COPS5: variants seen among roughly 807,000 people sequenced by gnomAD.
COPS5 encodes COP9 signalosome complex subunit 5.
Under a neutral mutation model 44.4 loss-of-function variants are expected in COPS5, and 8 were observed. The observed-to-expected ratio is 0.18, with a 90% CI of 0.11 to 0.32. COPS5 has a LOEUF of 0.32. Ranked by LOEUF, COPS5 falls within the 10% of genes least tolerant of loss-of-function variation. The pLI, the probability that COPS5 is intolerant of heterozygous loss-of-function variation, is 1.00. For missense variants in COPS5, 159 were observed against 406.4 expected (o/e 0.39, Z 5.23); for synonymous variants, 122 against 142.8 (o/e 0.85, Z 1.04).
intron 6 of COPS5, among the ~76,000 whole-genome samples, chr8:67,050,558 A>AGTGTGTGTGTGTGT (rs34629150): frequency 1.1e-3 from 157 of 141,088 alleles, no homozygotes; most frequent in African/African-American, 3.4e-3. Flanking sequence ...TGTGAGTGTG[A>AGTGTGTGTGTGTGT]GTGTGTGTGT....
At position 67,045,856 on chromosome 8, in the gene COPS5, A is replaced by G. The variant is rs746370559; in HGVS notation, c.876T>C (p.His292=). The change falls in exon 7 of 8, where the codon CAT becomes CAC. Residue 292 remains histidine (H), a synonymous_variant. Coordinates refer to ENST00000357849, the MANE Select transcript of COPS5 (RefSeq NM_006837.3). The part of the protein sequence containing the change: ...RGSFMLGLET[H]DRKSEDKLAK... ...CAAGTTTGTCTTCTGATTTTCGGTCATGCGTTTCTAAACCCAACATGAAAC... is the reference window on the plus strand; with the variant it reads ...CAAGTTTGTCTTCTGATTTTCGGTCGTGCGTTTCTAAACCCAACATGAAAC... The G allele has an allele frequency of 1.6e-5, 26 of 1,614,026 alleles. No individual in the cohort carries two copies. The highest frequency in any genetic ancestry group is 5.0e-5 in the Admixed American group (3 of 59,982).
chr8:67,057,361 T>TA lies in COPS5; in HGVS notation c.573+18dup, dbSNP rs749363440. Reference sequence around the variant, plus strand: ...GGTAACACAGTGAGACTCTAACTCTTAAAAAAAAAAAAAGTTACCTTTGGG... The same window carrying TA: ...GGTAACACAGTGAGACTCTAACTCTTAAAAAAAAAAAAAAGTTACCTTTGGG... On this transcript the variant is annotated intron_variant, in intron 4 of 7. Transcript: ENST00000357849. 0.094 allele frequency: 103,215 copies of TA among 1,093,008 alleles called. 16 individuals are homozygous for TA. Among genetic ancestry groups the TA allele is most frequent in the South Asian group, 0.1 (6,538 of 62,724 alleles). 67.7% of individuals were successfully genotyped at this position (1,093,008 alleles called of 1,614,324 possible).
intron 7 of COPS5, 34 bp downstream of exon 7, chr8:67,045,777 TA>T (rs1816693172): frequency 6.2e-7 from 1 of 1,610,540 alleles, no homozygotes; most frequent in Non-Finnish European, 8.5e-7. Context: ...GAAAAAGAGT[TA>T]GGGGCAACAG....
intron 5 of COPS5, among the ~76,000 whole-genome samples, chr8:67,054,721 G>A (rs1804474562): frequency 6.6e-6 from 1 of 152,216 alleles, no homozygotes; most frequent in African/African-American, 2.4e-5. Context: ...GGTAGCCAAA[G>A]TATTCTTTGA....
chr8:67,061,215 T>C (rs1354920547), intron 1 of COPS5: 4 of 266,022 alleles, frequency 1.5e-5, no homozygotes, highest in Non-Finnish European at 3.0e-5. Context: ...TTTTATAATT[T>C]CTGGCTTATG....
intron 5 of COPS5, among the ~76,000 whole-genome samples, chr8:67,055,199 C>CAGTGATAGGA (rs1460811702): frequency 6.6e-6 from 1 of 152,168 alleles, no homozygotes; most frequent in Non-Finnish European, 1.5e-5. Context: ...AGCAGAAGTT[C>CAGTGATAGGA]AGTGATAGGA....
chr8:67,053,282 G>C (rs369986790), intron 5 of COPS5, among the ~76,000 whole-genome samples: 4 of 151,416 alleles, frequency 2.6e-5, no homozygotes, highest in East Asian at 3.9e-4. Context: ...GCAGAGACAG[G>C]GTTTCACCAT....
Position 67,061,848 on chromosome 8 carries a change from C to A in COPS5, c.143+6G>T, listed in dbSNP as rs1417543422. On this transcript the variant is annotated splice_donor_region_variant and intron_variant, in intron 1 of 7. Coordinates refer to ENST00000357849, the MANE Select transcript of COPS5 (RefSeq NM_006837.3). ...CTCCCCTGCGTCTCGCCAGGGACCTCCTCACTCCTTAGTCCAGGGCTTCGC... is the reference window on the plus strand; with the variant it reads ...CTCCCCTGCGTCTCGCCAGGGACCTACTCACTCCTTAGTCCAGGGCTTCGC... 2 of 1,614,034 alleles carry A rather than the reference C, an allele frequency of 1.2e-6. No homozygotes were observed. Among genetic ancestry groups the A allele is most frequent in the Non-Finnish European group, 1.7e-6 (2 of 1,180,016 alleles).
intron 7 of COPS5, 26 bp downstream of exon 7, chr8:67,045,786 C>T (rs752803062): frequency 8.1e-6 from 13 of 1,612,500 alleles, no homozygotes; most frequent in Non-Finnish European, 1.1e-5. Flanking sequence ...TTAGGGGCAA[C>T]AGGAATCTTA....
At chr8:67,053,438 C>T (rs1055510097) in intron 5 of COPS5, among the ~76,000 whole-genome samples, 6 of 151,754 alleles carry the variant, frequency 4.0e-5, no homozygotes, top group Non-Finnish European at 7.4e-5. Context: ...TGTTGGCTCA[C>T]GCCTATAATC....
At chr8:67,050,365 TCTC>T (rs1392668705) in intron 6 of COPS5, among the ~76,000 whole-genome samples, 1 of 152,116 alleles carries the variant, frequency 6.6e-6, no homozygotes, top group African/African-American at 2.4e-5. Context: ...TCTGGGAACC[TCTC>T]CTCCCCATTT....
chr8:67,050,755 T>C (rs1314144153), intron 6 of COPS5, among the ~76,000 whole-genome samples: 2 of 139,956 alleles, frequency 1.4e-5, no homozygotes, highest in Non-Finnish European at 3.1e-5. Context: ...ATGAAATCAA[T>C]GCTAAGAGAA....
intron 5 of COPS5, among the ~76,000 whole-genome samples, chr8:67,054,867 A>C (rs1804480261): frequency 6.6e-6 from 1 of 152,218 alleles, no homozygotes; most frequent in Non-Finnish European, 1.5e-5. Context: ...ATTTGTGTTC[A>C]CATTCTAAAG....
intron 5 of COPS5, among the ~76,000 whole-genome samples, chr8:67,051,951 G>C (rs1381430261): frequency 6.6e-6 from 1 of 151,992 alleles, no homozygotes; most frequent in East Asian, 1.9e-4. Context: ...ACTTACACAT[G>C]CTTCTGTGTA....
intron 1 of COPS5, chr8:67,060,473 C>T (rs187773491): frequency 7.8e-7 from 1 of 1,289,380 alleles, no homozygotes; most frequent in Non-Finnish European, 1.0e-6. Flanking sequence ...CAGATTTCAA[C>T]CAAAAGCTGA....
chr8:67,053,728 CG>C (rs1804454154), intron 5 of COPS5, among the ~76,000 whole-genome samples: 1 of 127,848 alleles, frequency 7.8e-6, no homozygotes, highest in Non-Finnish European at 1.7e-5. Context: ...ATTTTTGGGC[CG>C]GGCACGGTGG....
At chr8:67,054,123 G>A (rs1804460877) in intron 5 of COPS5, among the ~76,000 whole-genome samples, 2 of 152,042 alleles carry the variant, frequency 1.3e-5, no homozygotes, top group Non-Finnish European at 2.9e-5. Context: ...TTTCAGAGTG[G>A]CAAGGTAAGG....
At chr8:67,057,331 G>A (rs1585715693) in intron 4 of COPS5, 49 bp downstream of exon 4, 1 of 1,270,174 alleles carries the variant, frequency 7.9e-7, no homozygotes, top group South Asian at 1.3e-5. Context: ...CTGTACTCCA[G>A]CCTAGGTAAC....
chr8:67,057,304 A>G (rs1316626015), intron 4 of COPS5, 76 bp downstream of exon 4: 4 of 927,168 alleles, frequency 4.3e-6, no homozygotes. Flanking sequence ...CACTATGATC[A>G]TGCCTGTGAA....
Sources: gnomAD v4.1 joint callset for allele counts (sites outside exome capture counted in the v4.1 genomes callset) on GRCh38, gnomAD v4.1.1 for gene constraint, MANE v1.5 for transcripts, NCBI Gene and HGNC (gene_info 2026-07-23, HGNC 2026-07-21) for gene names.